SHQ1: variants seen among roughly 807,000 people sequenced by gnomAD.
SHQ1 encodes protein SHQ1 homolog.
In SHQ1, 49 loss-of-function variants were observed where a neutral mutation model predicts 53.8. That is an observed-to-expected ratio of 0.91 (90% CI 0.72 to 1.16). The LOEUF is 1.16. Ranked by LOEUF, SHQ1 falls within the 50% of genes most tolerant of loss-of-function variation. The pLI, the probability that SHQ1 is intolerant of heterozygous loss-of-function variation, is 0.00. For synonymous variants in SHQ1, 243 were observed against 251.0 expected (o/e 0.97, Z 0.30); for missense variants, 738 against 683.1 (o/e 1.08, Z -0.90).
At chr3:72,767,162 T>A (rs1280414773) in intron 10 of SHQ1, among the ~76,000 whole-genome samples, 2 of 152,162 alleles carry the variant, frequency 1.3e-5, no homozygotes, top group Non-Finnish European at 2.9e-5. Flanking sequence ...GCTTCCAAAT[T>A]GCTTTCATAT....
the SHQ1 span, among the ~76,000 whole-genome samples, chr3:72,726,204 C>T: frequency 2.0e-5 from 3 of 152,168 alleles, no homozygotes; most frequent in African/African-American, 4.8e-5. Context: ...CCTATAAAGG[C>T]ATAGCAAAGA....
chr3:72,780,548 T>C (rs1357416133), intron 10 of SHQ1, among the ~76,000 whole-genome samples: 1 of 152,208 alleles, frequency 6.6e-6, no homozygotes, highest in Non-Finnish European at 1.5e-5. Context: ...AGGTACTTAA[T>C]ACCATATGCG....
At chr3:72,846,908 C>T (rs1032207334) in intron 1 of SHQ1, among the ~76,000 whole-genome samples, 5 of 152,154 alleles carry the variant, frequency 3.3e-5, no homozygotes, top group African/African-American at 1.2e-4. Context: ...TTGCTACCAC[C>T]ATAATCTTCT....
chr3:72,789,600 T>A (rs74351730), intron 10 of SHQ1, among the ~76,000 whole-genome samples: 4,536 of 152,206 alleles, frequency 0.03, 195 homozygotes, highest in African/African-American at 0.089. Flanking sequence ...GTGCTACATT[T>A]AAAACAAAAA....
intron 10 of SHQ1, among the ~76,000 whole-genome samples, chr3:72,755,960 G>A (rs1705489631): frequency 6.6e-6 from 1 of 152,218 alleles, no homozygotes; most frequent in Non-Finnish European, 1.5e-5. Flanking sequence ...GTGCAGTGGT[G>A]CAATCAGCGC....
In SHQ1 at chr3:72,765,557, A is replaced by ATTTTT. The variant is rs61074795; in HGVS notation, c.1182-14726_1182-14722dup. Among the ~76,000 whole-genome samples the ATTTTT allele has an allele frequency of 4.2e-3, 238 of 57,168 alleles. 19 individuals carry two copies. Among genetic ancestry groups the ATTTTT allele is most frequent in the African/African-American group, 0.018 (229 of 12,612 alleles). The allele number at this position is 57,168 out of a possible 152,430, so 37.5% of individuals were successfully genotyped here. ...TATATATATATATATATATATATATATTTTTTTTTTTTTTTTGAGACAGTC... is the reference window on the plus strand; with the variant it reads ...TATATATATATATATATATATATATATTTTTTTTTTTTTTTTTTTTTGAGACAGTC... On this transcript the variant is annotated intron_variant, in intron 10 of 10. Coordinates refer to ENST00000325599, the MANE Select transcript of SHQ1 (RefSeq NM_018130.3).
Position 72,749,620 on chromosome 3 carries a change from C to T in SHQ1, c.*664G>A, listed in dbSNP as rs1328874074. 2.3e-5 allele frequency: 5 copies of T among 219,044 alleles called. No individual in the cohort carries two copies. The highest frequency in any genetic ancestry group is 1.3e-4 in the East Asian group (2 of 14,946). 13.6% of individuals were successfully genotyped at this position (219,044 alleles called of 1,614,324 possible). Reference sequence around the variant, plus strand: ...GATAGTTTTACGCAGGGTATACATACGCCAACACATTGTACACTTTTGATA... The same window carrying T: ...GATAGTTTTACGCAGGGTATACATATGCCAACACATTGTACACTTTTGATA... On this transcript the variant is annotated 3_prime_UTR_variant, in exon 11 of 11. Transcript: ENST00000325599.
At chr3:72,817,474 T>C (rs1366657686) in intron 6 of SHQ1, 90 bp from the exon 7 acceptor site, 9 of 1,237,912 alleles carry the variant, frequency 7.3e-6, no homozygotes, top group Non-Finnish European at 6.7e-6. Context: ...ACTTTGATTA[T>C]AGAAACTGAA....
At chr3:72,840,820 A>G (rs1370363551) in intron 4 of SHQ1, among the ~76,000 whole-genome samples, 1 of 152,210 alleles carries the variant, frequency 6.6e-6, no homozygotes, top group Non-Finnish European at 1.5e-5. Context: ...AAAGGGGAGA[A>G]AAAAGAAAGC....
chr3:72,841,187 A>C lies in SHQ1; in HGVS notation c.344T>G (p.Ile115Ser). The C allele has an allele frequency of 6.2e-7, 1 of 1,612,498 alleles. No homozygotes were observed. Among genetic ancestry groups the C allele is most frequent in the South Asian group, 1.1e-5 (1 of 90,506 alleles). Residue 115 changes from isoleucine (I) to serine (S), a missense_variant, in exon 4 of 11, where the codon ATT (isoleucine) becomes AGT (serine). Transcript: ENST00000325599. Reference protein sequence around the residue: ...PLVEEIGASEIPEEVVDDEEF... With the variant: ...PLVEEIGASESPEEVVDDEEF... ...TTCATCGTCAACTACTTCCTCAGGA[A>C]TCTCAGAAGCACCTGAATGTGTTAA...
chr3:72,840,242 T>TAAAAAA (rs71623990), intron 4 of SHQ1, among the ~76,000 whole-genome samples: 1 of 93,592 alleles, frequency 1.1e-5, no homozygotes, highest in Non-Finnish European at 2.0e-5. Flanking sequence ...GACTCTGTCT[T>TAAAAAA]AAAAAAAAAA....
At chr3:72,788,835 A>G (rs1706340801) in intron 10 of SHQ1, among the ~76,000 whole-genome samples, 1 of 152,204 alleles carries the variant, frequency 6.6e-6, no homozygotes, top group East Asian at 1.9e-4. Context: ...AAATGGATTA[A>G]GGGCGGTGCA....
the SHQ1 span, among the ~76,000 whole-genome samples, chr3:72,729,314 C>T: frequency 6.6e-6 from 1 of 152,200 alleles, no homozygotes; most frequent in African/African-American, 2.4e-5. Flanking sequence ...ACAGACCCTG[C>T]TGAGCTGATT....
chr3:72,787,103 A>G (rs1261096062), intron 10 of SHQ1, among the ~76,000 whole-genome samples: 1 of 152,234 alleles, frequency 6.6e-6, no homozygotes, highest in Non-Finnish European at 1.5e-5. Flanking sequence ...ATTAAGGTTC[A>G]TGACTTATGA....
At chr3:72,727,838 TCA>T in the SHQ1 span, among the ~76,000 whole-genome samples, 1 of 152,050 alleles carries the variant, frequency 6.6e-6, no homozygotes, top group African/African-American at 2.4e-5. Context: ...TCACCTCCGC[TCA>T]CACCTGCAAC....
At chr3:72,791,721 GT>G (rs201572827) in intron 10 of SHQ1, among the ~76,000 whole-genome samples, 5 of 148,486 alleles carry the variant, frequency 3.4e-5, no homozygotes, top group East Asian at 2.0e-4. Flanking sequence ...TTTTTGTTTT[GT>G]TTTTTTTTTA....
intron 8 of SHQ1, 49 bp from the exon 9 acceptor site, chr3:72,812,843 A>G (rs754952246): frequency 1.2e-6 from 2 of 1,608,164 alleles, no homozygotes; most frequent in Non-Finnish European, 1.7e-6. Flanking sequence ...AATGTTACAC[A>G]AACAAAAGTA....
At chr3:72,792,460 G>A (rs1210213875) in intron 10 of SHQ1, among the ~76,000 whole-genome samples, 1 of 152,126 alleles carries the variant, frequency 6.6e-6, no homozygotes, top group Non-Finnish European at 1.5e-5. Flanking sequence ...GCTTTTTAGT[G>A]TTTGGTAGGT....
chr3:72,829,999 T>G (rs1707776462), intron 5 of SHQ1, among the ~76,000 whole-genome samples: 1 of 151,858 alleles, frequency 6.6e-6, no homozygotes, highest in Non-Finnish European at 1.5e-5. Flanking sequence ...CATATTTTAG[T>G]GTAAAAATAA....
Sources: allele counts gnomAD v4.1 joint callset (sites outside exome capture counted in the v4.1 genomes callset), GRCh38; gene constraint gnomAD v4.1.1; transcripts MANE v1.5; gene names NCBI Gene and HGNC (gene_info 2026-07-23, HGNC 2026-07-21).